The following PGBD4 variants were observed in gnomAD, a reference collection of about 807,000 sequenced individuals.
PGBD4 encodes piggyBac transposable element-derived protein 4.
A neutral mutation model predicts 0.3 loss-of-function variants in PGBD4; 1 was observed. The ratio of observed to expected loss-of-function variants is 3.72; its 90% CI spans 1.32 to 17.64. The LOEUF (loss-of-function observed/expected upper bound fraction) is 17.64, where lower values mean the gene tolerates loss of function less well. PGBD4 is among the 30% of genes most tolerant of loss of function. The probability of loss-of-function intolerance (pLI) is 0.11; values close to 1 mark genes in which losing one functional copy is unlikely to be tolerated. For missense variants in PGBD4, 624 were observed against 719.7 expected (o/e 0.87, Z 1.52); for synonymous variants, 253 against 267.7 (o/e 0.95, Z 0.54).
rs776494909 is a variant in PGBD4, at chr15:34,103,271, T to C, written c.740T>C (p.Ile247Thr). ...FSTVYTPNRN[I>T]AVDESLMLFK... ...ACTGTATATACTCCAAACAGAAACATTGCAGTTGATGAATCACTGATGCTG... is the reference window on the plus strand; with the variant it reads ...ACTGTATATACTCCAAACAGAAACACTGCAGTTGATGAATCACTGATGCTG... Residue 247 changes from isoleucine to threonine, a missense_variant, in exon 1 of 1, where the codon ATT (isoleucine) becomes ACT (threonine). Transcript: ENST00000397766. This position sits in a 1 kb window ranked among gnomAD's most constrained non-coding sequence, Gnocchi z 4.6. 6.2e-7 allele frequency: 1 copy of C among 1,614,192 alleles called. No individual in the cohort carries two copies.
rs1887773920 is a variant in PGBD4, at chr15:34,107,070, T to G, written c.*2781T>G. On this transcript the variant is annotated 3_prime_UTR_variant, in exon 1 of 1. Coordinates refer to ENST00000397766, the MANE Select transcript of PGBD4 (RefSeq NM_152595.5). Reference sequence around the variant, plus strand: ...AAAAAAGGGGCAAAATATATATTTATTTAACTTATATACAAATAACATTCT... The same window carrying G: ...AAAAAAGGGGCAAAATATATATTTAGTTAACTTATATACAAATAACATTCT... 1 of 150,910 alleles carries G rather than the reference T, an allele frequency of 6.6e-6. No homozygotes were observed. Among genetic ancestry groups the G allele is most frequent in the Non-Finnish European group, 1.5e-5 (1 of 67,804 alleles). 9.3% of individuals were successfully genotyped at this position (150,910 alleles called of 1,614,324 possible). A position where few individuals can be genotyped will look rare whatever the true frequency, so the allele number is the denominator to read the frequency against.
rs1597408789 is a variant in PGBD4 at position 34,104,133 on chromosome 15, A to G, written c.1602A>G (p.Lys534=). ...AGAGCATACCAGCAACGTCCGGGAA[A>G]CAGAATCCAACTGGTCGCTGCAAAA... The part of the protein sequence containing the change: ...FPKSIPATSG[K]QNPTGRCKIC... The change falls in exon 1 of 1, where the codon AAA becomes AAG. Residue 534 remains lysine (K), a synonymous_variant. Coordinates refer to ENST00000397766, the MANE Select transcript of PGBD4 (RefSeq NM_152595.5). 2.5e-6 allele frequency: 4 copies of G among 1,614,204 alleles called. No homozygotes were observed. The highest frequency in any genetic ancestry group is 3.4e-6 in the Non-Finnish European group (4 of 1,180,036).
chr15:34,102,951 A>AT lies in PGBD4; in HGVS notation c.424dup (p.Ser142PhefsTer5). The stretch of plus-strand genomic sequence containing the variant: ...CTTCAAAGCCACCGGGTCCGAAAGG[A>AT]TTTTCGCGAATGGATAAATGGAAAG... On this transcript the variant is annotated frameshift_variant, in exon 1 of 1. Transcript: ENST00000397766. LOFTEE classifies it low-confidence loss of function (END_TRUNC). This position sits in a 1 kb window ranked among gnomAD's most constrained non-coding sequence, Gnocchi z 4.7. 1.2e-6 allele frequency: 2 copies of AT among 1,614,012 alleles called. No individual in the cohort carries two copies. Among genetic ancestry groups the AT allele is most frequent in the Non-Finnish European group, 1.7e-6 (2 of 1,180,012 alleles).
rs146400359 is a variant in PGBD4, at chr15:34,104,245, G to A, written c.1714G>A (p.Val572Ile). ...TGCCGAATGTGATGTTCCGCTTTGT[G>A]TTGTTCCGTGCTTTGAAATTTACCA... ...FCAECDVPLC[V>I]VPCFEIYHTK... The change falls in exon 1 of 1, where the codon GTT becomes ATT. Residue 572 changes from valine to isoleucine, a missense_variant. Physicochemically the swap from Val to Ile is conservative, Grantham distance 29 (BLOSUM62 3). Transcript: ENST00000397766. 1.1e-5 allele frequency: 18 copies of A among 1,613,966 alleles called. No individual in the cohort carries two copies. Among genetic ancestry groups the A allele is most frequent in the Non-Finnish European group, 1.4e-5 (17 of 1,180,002 alleles).
chr15:34,102,093 G>A lies in PGBD4; in HGVS notation c.-439G>A, dbSNP rs1372288513. ...GAGCCTGTGTCAAGTGCCTATGAAG[G>A]GGACTGCCCATGAAGTGAAAGTCAA... On this transcript the variant is annotated 5_prime_UTR_variant, in exon 1 of 1. Coordinates refer to ENST00000397766, the MANE Select transcript of PGBD4 (RefSeq NM_152595.5). This position sits in a 1 kb window ranked among gnomAD's most constrained non-coding sequence, Gnocchi z 4.7. The A allele has an allele frequency of 3.7e-6, 2 of 544,016 alleles. No homozygotes were observed. Among genetic ancestry groups the A allele is most frequent in the Non-Finnish European group, 6.4e-6 (2 of 311,426 alleles). The allele number at this position is 544,016 out of a possible 1,614,324, so 33.7% of individuals were successfully genotyped here. A position where few individuals can be genotyped will look rare whatever the true frequency, so the allele number is the denominator to read the frequency against.
At position 34,103,944 on chromosome 15, in the gene PGBD4, C is replaced by G. The variant is rs763824460; in HGVS notation, c.1413C>G (p.Phe471Leu). The change falls in exon 1 of 1, where the codon TTC becomes TTG. Residue 471 changes from phenylalanine to leucine, a missense_variant. By Grantham distance (22) the Phe-to-Leu change is conservative. Coordinates refer to ENST00000397766, the MANE Select transcript of PGBD4 (RefSeq NM_152595.5). This position sits in a 1 kb window ranked among gnomAD's most constrained non-coding sequence, Gnocchi z 4.6. The stretch of plus-strand genomic sequence containing the variant: ...CAGTGCTGAACTCCTACATCCTGTT[C>G]AAGAAGGATAATCCTGAGCACACGA... The part of the protein sequence containing the change: ...HITVLNSYIL[F>L]KKDNPEHTMS... The G allele has an allele frequency of 6.2e-7, 1 of 1,614,056 alleles. No individual in the cohort carries two copies. Among genetic ancestry groups the G allele is most frequent in the Non-Finnish European group, 8.5e-7 (1 of 1,180,026 alleles).
rs1486608182 is a variant in PGBD4 at position 34,108,473 on chromosome 15, T to G, written c.*4184T>G. On this transcript the variant is annotated 3_prime_UTR_variant, in exon 1 of 1. Coordinates refer to ENST00000397766, the MANE Select transcript of PGBD4 (RefSeq NM_152595.5). ...ATGTTGAGCTGAGCCCTGAGGCCTT[T>G]GTTTCAGTCCCAACCAGAGCAGAAG... 6.6e-6 allele frequency: 1 copy of G among 152,216 alleles called. No individual in the cohort carries two copies. Among genetic ancestry groups the G allele is most frequent in the Non-Finnish European group, 1.5e-5 (1 of 68,036 alleles). 9.4% of individuals were successfully genotyped at this position (152,216 alleles called of 1,614,324 possible).
At position 34,102,784 on chromosome 15, in the gene PGBD4, A is replaced by C; in HGVS notation, c.253A>C (p.Arg85=). ...WSARAMIPRQ[R]YDFTGTPGRK... ...AGCTCGTGCTATGATTCCACGTCAA[A>C]GGTATGACTTTACCGGCACACCTGG... Residue 85 remains arginine, a synonymous_variant, in exon 1 of 1, where the codon AGG becomes CGG. Transcript: ENST00000397766. The surrounding 1 kb of genome is among the most constrained non-coding windows in gnomAD (Gnocchi z 4.7). 6.2e-7 allele frequency: 1 copy of C among 1,614,180 alleles called. No homozygotes were observed.
At position 34,103,653 on chromosome 15, in the gene PGBD4, T is replaced by C. The variant is rs775723788; in HGVS notation, c.1122T>C (p.Thr374=). 4 of 1,614,216 alleles carry C rather than the reference T, an allele frequency of 2.5e-6. No homozygotes were observed. The highest frequency in any genetic ancestry group is 1.7e-6 in the Non-Finnish European group (2 of 1,180,040). Residue 374 remains threonine, a synonymous_variant, in exon 1 of 1, where the codon ACT becomes ACC. Coordinates refer to ENST00000397766, the MANE Select transcript of PGBD4 (RefSeq NM_152595.5). This position sits in a 1 kb window ranked among gnomAD's most constrained non-coding sequence, Gnocchi z 4.6. ...DLKKRIAKGT[T]VARFCGELMA... is the part of the protein sequence containing the mutation. ...AAAAAAGGATTGCAAAGGGGACGAC[T>C]GTAGCCAGATTCTGTGGTGAACTTA... is the stretch of plus-strand genomic sequence containing the variant.
Position 34,102,804 on chromosome 15 carries a change from A to G in PGBD4, c.273A>G (p.Thr91=), listed in dbSNP as rs1282322822. ...IPRQRYDFTG[T]PGRKVDVSDI... ...GTCAAAGGTATGACTTTACCGGCACACCTGGCAGAAAAGTCGATGTCAGTG... is the reference window on the plus strand; with the variant it reads ...GTCAAAGGTATGACTTTACCGGCACGCCTGGCAGAAAAGTCGATGTCAGTG... Residue 91 remains threonine (T), a synonymous_variant, in exon 1 of 1, where the codon ACA becomes ACG. Transcript: ENST00000397766. This position sits in a 1 kb window ranked among gnomAD's most constrained non-coding sequence, Gnocchi z 4.7. 1 of 1,614,084 alleles carries G rather than the reference A, an allele frequency of 6.2e-7. No homozygotes were observed. Among genetic ancestry groups the G allele is most frequent in the Non-Finnish European group, 8.5e-7 (1 of 1,180,048 alleles).
chr15:34,105,527 C>T lies in PGBD4; in HGVS notation c.*1238C>T, dbSNP rs373658769. On this transcript the variant is annotated 3_prime_UTR_variant, in exon 1 of 1. Transcript: ENST00000397766. ...ACTCAGCCCTGGCAGGGGATGGGGACATGATGCCCAGAGCCACCCCTATAC... is the reference window on the plus strand; with the variant it reads ...ACTCAGCCCTGGCAGGGGATGGGGATATGATGCCCAGAGCCACCCCTATAC... The T allele has an allele frequency of 3.0e-5, 5 of 167,188 alleles. No individual in the cohort carries two copies. The highest frequency in any genetic ancestry group is 1.2e-4 in the African/African-American group (5 of 41,558). 10.4% of individuals were successfully genotyped at this position (167,188 alleles called of 1,614,324 possible). A position where few individuals can be genotyped will look rare whatever the true frequency, so the allele number is the denominator to read the frequency against.
At position 34,108,121 on chromosome 15, in the gene PGBD4, C is replaced by A. The variant is rs1887789739; in HGVS notation, c.*3832C>A. 6.6e-6 allele frequency: 1 copy of A among 152,154 alleles called. No homozygotes were observed. Among genetic ancestry groups the A allele is most frequent in the East Asian group, 1.9e-4 (1 of 5,198 alleles). 9.4% of individuals were successfully genotyped at this position (152,154 alleles called of 1,614,324 possible). A position where few individuals can be genotyped will look rare whatever the true frequency, so the allele number is the denominator to read the frequency against. On this transcript the variant is annotated 3_prime_UTR_variant, in exon 1 of 1. Coordinates refer to ENST00000397766, the MANE Select transcript of PGBD4 (RefSeq NM_152595.5). ...AGGATTACAGATGTGTGCCACCACG[C>A]CTGGCTAATTTTTGTACTTTTAGTA...
In PGBD4 at chr15:34,102,118, A is replaced by C; in HGVS notation, c.-414A>C. ...GGGACTGCCCATGAAGTGAAAGTCAAGTGTGTGTTGCTGCGGCAGCCACGG... is the reference window on the plus strand; with the variant it reads ...GGGACTGCCCATGAAGTGAAAGTCACGTGTGTGTTGCTGCGGCAGCCACGG... On this transcript the variant is annotated 5_prime_UTR_variant, in exon 1 of 1. Transcript: ENST00000397766. This position sits in a 1 kb window ranked among gnomAD's most constrained non-coding sequence, Gnocchi z 4.7. The C allele has an allele frequency of 2.0e-6, 1 of 507,682 alleles. No individual in the cohort carries two copies. Among genetic ancestry groups the C allele is most frequent in the East Asian group, 3.3e-5 (1 of 29,872 alleles). The allele number at this position is 507,682 out of a possible 1,614,324, so 31.4% of individuals were successfully genotyped here. A position where few individuals can be genotyped will look rare whatever the true frequency, so the allele number is the denominator to read the frequency against.
Position 34,104,145 on chromosome 15 carries a change from T to G in PGBD4, c.1614T>G (p.Thr538=). Residue 538 remains threonine (T), a synonymous_variant, in exon 1 of 1, where the codon ACT becomes ACG. Coordinates refer to ENST00000397766, the MANE Select transcript of PGBD4 (RefSeq NM_152595.5). The stretch of plus-strand genomic sequence containing the variant: ...CAACGTCCGGGAAACAGAATCCAAC[T>G]GGTCGCTGCAAAATTTGCTGCTCCC... The part of the protein sequence containing the change: ...IPATSGKQNP[T]GRCKICCSQY... 6.2e-7 allele frequency: 1 copy of G among 1,614,226 alleles called. No individual in the cohort carries two copies. Among genetic ancestry groups the G allele is most frequent in the South Asian group, 1.1e-5 (1 of 91,088 alleles).
In PGBD4 at chr15:34,104,209, C is replaced by T. The variant is rs1480322005; in HGVS notation, c.1678C>T (p.Arg560Cys). ...KDGKKIRKET[R>C]YFCAECDVPL... is the part of the protein sequence containing the mutation. ...TGGCAAGAAGATCCGGAAAGAAACGCGCTATTTTTGTGCCGAATGTGATGT... is the reference window on the plus strand; with the variant it reads ...TGGCAAGAAGATCCGGAAAGAAACGTGCTATTTTTGTGCCGAATGTGATGT... The change falls in exon 1 of 1, where the codon CGC becomes TGC. Residue 560 changes from arginine to cysteine, a missense_variant. Transcript: ENST00000397766. 1.5e-5 allele frequency: 24 copies of T among 1,614,158 alleles called. No homozygotes were observed. The highest frequency in any genetic ancestry group is 1.9e-5 in the Non-Finnish European group (23 of 1,180,046).
rs60502890 is a variant in PGBD4, at chr15:34,106,957, T to TAAAAAAAAAAAAAA, written c.*2679_*2692dup. ...GGGCAACATAGCCAGACCCTGTCTC[T>TAAAAAAAAAAAAAA]AAAAAAAAAAAAAAAAAAAAAAAAG... On this transcript the variant is annotated 3_prime_UTR_variant, in exon 1 of 1. Transcript: ENST00000397766. The TAAAAAAAAAAAAAA allele has an allele frequency of 1.3e-5, 1 of 74,654 alleles. No homozygotes were observed. The highest frequency in any genetic ancestry group is 2.5e-5 in the Non-Finnish European group (1 of 40,152). The allele number at this position is 74,654 out of a possible 1,614,324, so 4.6% of individuals were successfully genotyped here. A position where few individuals can be genotyped will look rare whatever the true frequency, so the allele number is the denominator to read the frequency against.
At position 34,103,197 on chromosome 15, in the gene PGBD4, A is replaced by G; in HGVS notation, c.666A>G (p.Ser222=). 5 of 1,614,122 alleles carry G rather than the reference A, an allele frequency of 3.1e-6. No individual in the cohort carries two copies. Among genetic ancestry groups the G allele is most frequent in the Non-Finnish European group, 3.4e-6 (4 of 1,180,046 alleles). Reference sequence around the variant, plus strand: ...CTGGTCAATCAAAGGCCCAGATTTCATTGCAGAAGATCAAACCTGTGTTCG... The same window carrying G: ...CTGGTCAATCAAAGGCCCAGATTTCGTTGCAGAAGATCAAACCTGTGTTCG... ...ISAGQSKAQI[S]LQKIKPVFDF... is the part of the protein sequence containing the mutation. The change falls in exon 1 of 1, where the codon TCA becomes TCG. Residue 222 remains serine (S), a synonymous_variant. Coordinates refer to ENST00000397766, the MANE Select transcript of PGBD4 (RefSeq NM_152595.5). This position sits in a 1 kb window ranked among gnomAD's most constrained non-coding sequence, Gnocchi z 4.6.
Position 34,104,378 on chromosome 15 carries a change from G to C in PGBD4, c.*89G>C. 7.1e-7 allele frequency: 1 copy of C among 1,400,808 alleles called. No homozygotes were observed. Among genetic ancestry groups the C allele is most frequent in the Non-Finnish European group, 9.6e-7 (1 of 1,040,778 alleles). 86.8% of individuals were successfully genotyped at this position (1,400,808 alleles called of 1,614,324 possible). ...CCAAGATTGGGAGGCCGACCTGGGTGGATCACCTGAGATCAGGAATTCAAG... is the reference window on the plus strand; with the variant it reads ...CCAAGATTGGGAGGCCGACCTGGGTCGATCACCTGAGATCAGGAATTCAAG... On this transcript the variant is annotated 3_prime_UTR_variant, in exon 1 of 1. Coordinates refer to ENST00000397766, the MANE Select transcript of PGBD4 (RefSeq NM_152595.5).
In PGBD4 at chr15:34,104,344, G is replaced by GAGAA; in HGVS notation, c.*56_*57insGAAA. 6.5e-7 allele frequency: 1 copy of GAGAA among 1,544,722 alleles called. No individual in the cohort carries two copies. Among genetic ancestry groups the GAGAA allele is most frequent in the Non-Finnish European group, 8.7e-7 (1 of 1,145,708 alleles). ...TAGGATTAGAGACAAGTTCTGTTTAGAAATAACTCCAAGATTGGGAGGCCG... is the reference window on the plus strand; with the variant it reads ...TAGGATTAGAGACAAGTTCTGTTTAGAGAAAAATAACTCCAAGATTGGGAGGCCG... On this transcript the variant is annotated 3_prime_UTR_variant, in exon 1 of 1. Transcript: ENST00000397766.
Sources: allele counts gnomAD v4.1 joint callset, GRCh38; gene constraint gnomAD v4.1.1; non-coding constraint Gnocchi (gnomAD v3.1); transcripts MANE v1.5; gene names NCBI Gene and HGNC (gene_info 2026-07-23, HGNC 2026-07-21).